Variants in STXBP6 observed in about 807,000 individuals in gnomAD.
STXBP6 encodes syntaxin-binding protein 6.
A neutral mutation model predicts 26.9 loss-of-function variants in STXBP6; 21 were observed. That is an observed-to-expected ratio of 0.78 (90% confidence interval 0.55 to 1.12). The LOEUF is 1.12. Ranked by LOEUF, STXBP6 falls within the 50% of genes most tolerant of loss-of-function variation. The pLI is 0.00. For synonymous variants in STXBP6, 97 were observed against 92.6 expected, an observed-to-expected ratio of 1.05 and a Z score of -0.27; for missense variants, 232 against 257.9, an observed-to-expected ratio of 0.90 and a Z score of 0.69.
intron 2 of STXBP6, among the ~76,000 whole-genome samples, chr14:24,857,962 T>C (rs1250675593): frequency 6.6e-6 from 1 of 152,042 alleles, no homozygotes. Flanking sequence ...TAATTGTCTT[T>C]AAAGGGATTT....
rs368863982 is a variant in STXBP6, at chr14:24,889,730, G to A, written c.155-32573C>T. Among the ~76,000 whole-genome samples the A allele has an allele frequency of 2.6e-5, 4 of 152,138 alleles. No individual in the cohort carries two copies. In the East Asian group the frequency reaches 5.8e-4, roughly 22 times the overall value. The stretch of plus-strand genomic sequence containing the variant: ...CCTCCCAAAAATAGGGTTGGAAGAC[G>A]GGAAAAAAGTAAAAAGAAATTAGAA... On this transcript the variant is annotated intron_variant, in intron 2 of 5. Coordinates refer to ENST00000323944, the MANE Select transcript of STXBP6 (RefSeq NM_001394410.1).
At chr14:24,844,608 G>A (rs922105427) in intron 4 of STXBP6, among the ~76,000 whole-genome samples, 23 of 152,200 alleles carry the variant, frequency 1.5e-4, no homozygotes, top group African/African-American at 5.3e-4. Flanking sequence ...CACATAGCTG[G>A]TGTCAGAAGT....
chr14:24,894,447 A>C (rs1192753021), intron 2 of STXBP6, among the ~76,000 whole-genome samples: 6 of 152,130 alleles, frequency 3.9e-5, no homozygotes, highest in Non-Finnish European at 7.4e-5. Flanking sequence ...GGAAATATTT[A>C]CTAGACAACC....
At chr14:24,951,674 T>C (rs964865172) in intron 2 of STXBP6, among the ~76,000 whole-genome samples, 1 of 152,188 alleles carries the variant, frequency 6.6e-6, no homozygotes, top group African/African-American at 2.4e-5. Context: ...TGTATAATTT[T>C]TGGTCATTCT....
In STXBP6 at chr14:24,912,441, C is replaced by CAAAA. The variant is rs373713561; in HGVS notation, c.155-55288_155-55285dup. ...GGTAAGGTTTATAGAAAGTGAATGC[C>CAAAA]AAAAAAAAAAAAAAAAAAGTGAAAT... On this transcript the variant is annotated intron_variant, in intron 2 of 5. Coordinates refer to ENST00000323944, the MANE Select transcript of STXBP6 (RefSeq NM_001394410.1). Among the ~76,000 whole-genome samples, 7 of 101,062 alleles carry CAAAA rather than the reference C, an allele frequency of 6.9e-5. No individual in the cohort carries two copies. In the South Asian group the frequency reaches 9.0e-4, roughly 13 times the overall value. 66.3% of individuals were successfully genotyped at this position (101,062 alleles called of 152,430 possible).
intron 2 of STXBP6, among the ~76,000 whole-genome samples, chr14:24,893,097 G>T (rs2070851738): frequency 6.6e-6 from 1 of 152,124 alleles, no homozygotes; most frequent in South Asian, 2.1e-4. Context: ...GGTGAGCTGT[G>T]GTAGTAGATC....
At chr14:24,882,592 GTAT>G (rs2070414048) in intron 2 of STXBP6, among the ~76,000 whole-genome samples, 1 of 151,968 alleles carries the variant, frequency 6.6e-6, no homozygotes, top group South Asian at 2.1e-4. Context: ...GAACTGACCT[GTAT>G]TCACTCAGTT....
chr14:24,876,030 T>C (rs1178295932), intron 2 of STXBP6, among the ~76,000 whole-genome samples: 1 of 151,446 alleles, frequency 6.6e-6, no homozygotes, highest in Non-Finnish European at 1.5e-5. Flanking sequence ...GAGAGGTGGG[T>C]TTTTGGTGGA....
In STXBP6 at chr14:24,999,932, TTGGAC is replaced by T. The variant is rs2074711805; in HGVS notation, c.-32-25087_-32-25083del. On this transcript the variant is annotated intron_variant, in intron 1 of 5. Transcript: ENST00000323944. ...GTAAGGACAACACTGATTTAGCTAT[TTGGAC>T]AAAGATGCTAATATGTTAGGTTGTT... 3.9e-5 allele frequency among the ~76,000 whole-genome samples: 6 copies of T among 152,352 alleles called. No individual in the cohort carries two copies. The South Asian group carries it at 1.2e-3, about 32-fold the overall frequency.
chr14:24,864,840 C>T (rs2139267877), intron 2 of STXBP6, among the ~76,000 whole-genome samples: 1 of 152,206 alleles, frequency 6.6e-6, no homozygotes, highest in South Asian at 2.1e-4. Flanking sequence ...CCACCACCAT[C>T]CCTTCTTTAG....
At chr14:24,995,361 G>C (rs879036228) in intron 1 of STXBP6, among the ~76,000 whole-genome samples, 1 of 152,086 alleles carries the variant, frequency 6.6e-6, no homozygotes, top group Admixed American at 6.5e-5. Context: ...GGCATATTCA[G>C]ACCACAGCAG....
chr14:25,036,890 C>T (rs1456007109), intron 1 of STXBP6, among the ~76,000 whole-genome samples: 1 of 151,834 alleles, frequency 6.6e-6, no homozygotes, highest in East Asian at 1.9e-4. Flanking sequence ...TCAGCTATAC[C>T]CTTCCTCTAC....
chr14:25,033,446 T>G (rs1271834502), intron 1 of STXBP6, among the ~76,000 whole-genome samples: 1 of 152,166 alleles, frequency 6.6e-6, no homozygotes, highest in South Asian at 2.1e-4. Flanking sequence ...ATGAATCTTG[T>G]CAATCTAATC....
intron 2 of STXBP6, among the ~76,000 whole-genome samples, chr14:24,872,229 C>G (rs2069962659): frequency 6.6e-6 from 1 of 152,058 alleles, no homozygotes; most frequent in South Asian, 2.1e-4. Context: ...AGAAGATAAG[C>G]ATTGAGGAGT....
chr14:24,902,010 C>A (rs1332824834), intron 2 of STXBP6, among the ~76,000 whole-genome samples: 3 of 151,966 alleles, frequency 2.0e-5, no homozygotes, highest in Non-Finnish European at 2.9e-5. Context: ...TACATCATGC[C>A]TCAATGAAAT....
At chr14:24,832,878 T>C (rs191508996) in intron 4 of STXBP6, among the ~76,000 whole-genome samples, 2 of 152,358 alleles carry the variant, frequency 1.3e-5, no homozygotes, top group Non-Finnish European at 2.9e-5. Flanking sequence ...ATTTGCTAAG[T>C]GACTACCATG....
intron 1 of STXBP6, among the ~76,000 whole-genome samples, chr14:25,023,067 A>G (rs1349201918): frequency 6.6e-6 from 1 of 152,238 alleles, no homozygotes; most frequent in Admixed American, 6.5e-5. Context: ...AAAATCTTCA[A>G]CAAGGACACT....
chr14:25,035,241 A>G (rs1275337628), intron 1 of STXBP6, among the ~76,000 whole-genome samples: 1 of 152,074 alleles, frequency 6.6e-6, no homozygotes, highest in Non-Finnish European at 1.5e-5. Flanking sequence ...GGCAGTGCTT[A>G]CTGTACCTCT....
intron 1 of STXBP6, among the ~76,000 whole-genome samples, chr14:24,975,782 T>C (rs1327430512): frequency 1.3e-5 from 2 of 152,230 alleles, no homozygotes; most frequent in African/African-American, 4.8e-5. Flanking sequence ...TTTATATCTA[T>C]TATGTTCAAG....
Sources: allele counts gnomAD v4.1 joint callset (sites outside exome capture counted in the v4.1 genomes callset), GRCh38; gene constraint gnomAD v4.1.1; transcripts MANE v1.5; gene names NCBI Gene and HGNC (gene_info 2026-07-23, HGNC 2026-07-21).